The following CPNE6 variants were observed in gnomAD, a reference collection of about 807,000 sequenced individuals.
The protein encoded by CPNE6 is copine 6.
Under a neutral mutation model 71.5 loss-of-function variants are expected in CPNE6, and 33 were observed. The observed-to-expected ratio is 0.46, with a 90% CI of 0.35 to 0.62. The LOEUF (loss-of-function observed/expected upper bound fraction) is 0.62, where lower values mean the gene tolerates loss of function less well. Ranked by LOEUF, CPNE6 falls within the 20% of genes least tolerant of loss-of-function variation. CPNE6 has a pLI of 0.00. For synonymous variants in CPNE6, 296 were observed against 293.0 expected (o/e 1.01, Z -0.10); for missense variants, 576 against 747.3 (o/e 0.77, Z 2.67).
Position 24,075,803 on chromosome 14 carries a change from C to T in CPNE6, c.865-24C>T, listed in dbSNP as rs1423465758. On this transcript the variant is annotated intron_variant, in intron 10 of 17. Transcript: ENST00000397016. The surrounding 1 kb of genome is among the most constrained non-coding windows in gnomAD (Gnocchi z 4.3). The stretch of plus-strand genomic sequence containing the variant: ...CTCAAAGGACCACCCCATCCCCTCG[C>T]CTTACCCCTCTCCCTACCTCCAGGT... 1.2e-6 allele frequency: 2 copies of T among 1,612,162 alleles called. No individual in the cohort carries two copies. The highest frequency in any genetic ancestry group is 1.7e-6 in the Non-Finnish European group (2 of 1,178,428).
intron 14 of CPNE6, 106 bp downstream of exon 13, chr14:24,076,663 C>G (rs2036076462): frequency 1.3e-6 from 2 of 1,519,146 alleles, no homozygotes; most frequent in South Asian, 1.1e-5. Flanking sequence ...TCCACCCATC[C>G]CAGGCCTGTC....
At chr14:24,071,698 T>G in intron 2 of CPNE6, 57 bp downstream of exon 1, 1 of 679,248 alleles carries the variant, frequency 1.5e-6, no homozygotes, top group Admixed American at 2.2e-5. Flanking sequence ...TGGCCCAGTC[T>G]CCATAACAAC....
intron 1 of CPNE6, chr14:24,071,357 G>A: frequency 6.9e-7 from 1 of 1,440,912 alleles, no homozygotes; most frequent in Non-Finnish European, 9.1e-7. Flanking sequence ...GAAGATGTGT[G>A]TCACTGTGTC....
chr14:24,071,318 G>C, intron 1 of CPNE6: 1 of 1,431,160 alleles, frequency 7.0e-7, no homozygotes, highest in South Asian at 1.5e-5. Flanking sequence ...GCATCTCTGC[G>C]ATTCTGGGTG....
Position 24,075,293 on chromosome 14 carries a change from A to G in CPNE6, c.777+17A>G. 1 of 1,596,136 alleles carries G rather than the reference A, an allele frequency of 6.3e-7. No homozygotes were observed. Among genetic ancestry groups the G allele is most frequent in the Middle Eastern group, 1.7e-4 (1 of 6,044 alleles). On this transcript the variant is annotated intron_variant, in intron 9 of 17. Transcript: ENST00000397016. This position sits in a 1 kb window ranked among gnomAD's most constrained non-coding sequence, Gnocchi z 4.3. ...GGGCAGGAGGTGCCACAAATACCCC[A>G]CCCCCAGAATCCCACCCAGATCCCT...
rs754686465 is a variant in CPNE6 at position 24,077,293 on chromosome 14, G to A, written c.1439G>A (p.Arg480Gln). 7.4e-6 allele frequency: 12 copies of A among 1,613,752 alleles called. No homozygotes were observed. Among genetic ancestry groups the A allele is most frequent in the Non-Finnish European group, 9.3e-6 (11 of 1,180,026 alleles). The stretch of plus-strand genomic sequence containing the variant: ...GGCAATGCTGACTTCTCTGACATGC[G>A]GCTGCTGGATGGCGACGACGGCCCC... Residue 480 changes from arginine (R) to glutamine (Q), a missense_variant, in exon 16 of 18, where the codon CGG becomes CAG. Transcript: ENST00000397016. The surrounding 1 kb of genome is among the most constrained non-coding windows in gnomAD (Gnocchi z 6.1).
In CPNE6 at chr14:24,075,463, C is replaced by A. The variant is rs369875632; in HGVS notation, c.778-42C>A. 6.4e-7 allele frequency: 1 copy of A among 1,573,632 alleles called. No homozygotes were observed. Among genetic ancestry groups the A allele is most frequent in the Non-Finnish European group, 8.7e-7 (1 of 1,149,650 alleles). Reference sequence around the variant, plus strand: ...TGCTGGAAGGGAGAAAGAGGGGTCACCTGATGGACTTGTGACCCTGAGCTT... The same window carrying A: ...TGCTGGAAGGGAGAAAGAGGGGTCAACTGATGGACTTGTGACCCTGAGCTT... On this transcript the variant is annotated intron_variant, in intron 9 of 17. Coordinates refer to ENST00000397016, the Ensembl canonical transcript of CPNE6. The surrounding 1 kb of genome is among the most constrained non-coding windows in gnomAD (Gnocchi z 4.3).
chr14:24,075,433 G>A lies in CPNE6; in HGVS notation c.778-72G>A. The A allele has an allele frequency of 1.3e-6, 2 of 1,489,364 alleles. No individual in the cohort carries two copies. The highest frequency in any genetic ancestry group is 1.2e-5 in the South Asian group (1 of 86,610). The allele number at this position is 1,489,364 out of a possible 1,614,324, so 92.3% of individuals were successfully genotyped here. Reference sequence around the variant, plus strand: ...GAACCATGGGGGTCTTGCTCTGGGAGGCTCTGCTGGAAGGGAGAAAGAGGG... The same window carrying A: ...GAACCATGGGGGTCTTGCTCTGGGAAGCTCTGCTGGAAGGGAGAAAGAGGG... On this transcript the variant is annotated intron_variant, in intron 9 of 17. Transcript: ENST00000397016. The surrounding 1 kb of genome is among the most constrained non-coding windows in gnomAD (Gnocchi z 4.3).
intron 13 of CPNE6, 45 bp downstream of exon 12, chr14:24,076,459 T>C (rs903431751): frequency 2.6e-5 from 42 of 1,614,048 alleles, no homozygotes; most frequent in Admixed American, 3.3e-5. Flanking sequence ...GGCGTGTCAG[T>C]CAGGCAGAAA....
Position 24,075,615 on chromosome 14 carries a change from G to C in CPNE6, c.864+24G>C. On this transcript the variant is annotated intron_variant, in intron 10 of 17. Transcript: ENST00000397016. The surrounding 1 kb of genome is among the most constrained non-coding windows in gnomAD (Gnocchi z 4.3). ...CGGTAAATTTCACTTCCTGCTTCAA[G>C]CCTTGCCCCAGCCCCTGCCCCTACC... 6.3e-7 allele frequency: 1 copy of C among 1,584,814 alleles called. No homozygotes were observed. The highest frequency in any genetic ancestry group is 1.7e-4 in the Middle Eastern group (1 of 5,964).
chr14:24,072,569 C>T (rs887360705), intron 2 of CPNE6: 5 of 182,526 alleles, frequency 2.7e-5, no homozygotes, highest in Admixed American at 6.2e-5. Context: ...CTGAGTGCAG[C>T]GCTGGCACAA....
At position 24,073,553 on chromosome 14, in the gene CPNE6, C is replaced by A; in HGVS notation, c.223C>A (p.Leu75Met). The A allele has an allele frequency of 6.2e-7, 1 of 1,614,060 alleles. No individual in the cohort carries two copies. Among genetic ancestry groups the A allele is most frequent in the Non-Finnish European group, 8.5e-7 (1 of 1,180,038 alleles). The change falls in exon 4 of 18, where the codon CTG becomes ATG. Residue 75 changes from leucine to methionine, a missense_variant. Transcript: ENST00000397016. The surrounding 1 kb of genome is among the most constrained non-coding windows in gnomAD (Gnocchi z 5.5). The stretch of plus-strand genomic sequence containing the variant: ...TTCCAGCCCTGTCTTCTCCCGGGTG[C>A]TGGCCCTTGAGTATTTTTTTGAGGA...
intron 2 of CPNE6, 169 bp downstream of exon 1, chr14:24,071,810 C>T: frequency 1.8e-6 from 1 of 550,944 alleles, no homozygotes; most frequent in Non-Finnish European, 3.2e-6. Flanking sequence ...AGACTTGTGG[C>T]TGGAAGGCAG....
At position 24,073,702 on chromosome 14, in the gene CPNE6, C is replaced by T. The variant is rs756362075; in HGVS notation, c.348+24C>T. ...AGGTCTGCATTCCCGGCCTCCCCGG[C>T]TACCCTACCCTACCTCCATCAGCTT... On this transcript the variant is annotated intron_variant, in intron 4 of 17. Transcript: ENST00000397016. This position sits in a 1 kb window ranked among gnomAD's most constrained non-coding sequence, Gnocchi z 5.5. 1.3e-6 allele frequency: 2 copies of T among 1,598,458 alleles called. No homozygotes were observed. Among genetic ancestry groups the T allele is most frequent in the East Asian group, 4.5e-5 (2 of 44,726 alleles).
In CPNE6 at chr14:24,075,608, G is replaced by A. The variant is rs1428982527; in HGVS notation, c.864+17G>A. 1.9e-6 allele frequency: 3 copies of A among 1,595,716 alleles called. No homozygotes were observed. The highest frequency in any genetic ancestry group is 2.6e-6 in the Non-Finnish European group (3 of 1,168,532). ...CAGTGCACGGTAAATTTCACTTCCT[G>A]CTTCAAGCCTTGCCCCAGCCCCTGC... is the stretch of plus-strand genomic sequence containing the variant. On this transcript the variant is annotated intron_variant, in intron 10 of 17. Coordinates refer to ENST00000397016, the Ensembl canonical transcript of CPNE6. The surrounding 1 kb of genome is among the most constrained non-coding windows in gnomAD (Gnocchi z 4.3).
In CPNE6 at chr14:24,074,819, C is replaced by T. The variant is rs1270568131; in HGVS notation, c.672+24C>T. The T allele has an allele frequency of 1.3e-6, 2 of 1,599,314 alleles. No homozygotes were observed. Among genetic ancestry groups the T allele is most frequent in the Non-Finnish European group, 1.7e-6 (2 of 1,170,920 alleles). On this transcript the variant is annotated intron_variant, in intron 8 of 17. Coordinates refer to ENST00000397016, the Ensembl canonical transcript of CPNE6. The surrounding 1 kb of genome is among the most constrained non-coding windows in gnomAD (Gnocchi z 4.5). ...AGGTGAAGTCCCAGCCAAGCCAGCACAGCCTACTTAGAGCAACCAATCTGC... is the reference window on the plus strand; with the variant it reads ...AGGTGAAGTCCCAGCCAAGCCAGCATAGCCTACTTAGAGCAACCAATCTGC...
In CPNE6 at chr14:24,077,220, A is replaced by G. The variant is rs1279629632; in HGVS notation, c.1366A>G (p.Ile456Val). 2 of 1,612,434 alleles carry G rather than the reference A, an allele frequency of 1.2e-6. No individual in the cohort carries two copies. The highest frequency in any genetic ancestry group is 2.2e-5 in the East Asian group (1 of 44,858). ...CGACATGGCTGAGACTCGCACTGCT[A>G]TCGTGCGTGCCTCCCGCCTGCCCAT... Residue 456 changes from isoleucine to valine, a missense_variant, in exon 16 of 18, where the codon ATC becomes GTC. Ile to Val is a conservative substitution (Grantham distance 29, BLOSUM62 3). This residue lies in a region of CPNE6 where 264 missense variants were observed against 339.9 expected (regional missense o/e 0.78). Coordinates refer to ENST00000397016, the Ensembl canonical transcript of CPNE6. This position sits in a 1 kb window ranked among gnomAD's most constrained non-coding sequence, Gnocchi z 6.1.
rs1794613199 is a variant in CPNE6 at position 24,073,359 on chromosome 14, G to A, written c.169-140G>A. 1 of 1,034,824 alleles carries A rather than the reference G, an allele frequency of 9.7e-7. No homozygotes were observed. The highest frequency in any genetic ancestry group is 1.6e-5 in the African/African-American group (1 of 61,988). 64.1% of individuals were successfully genotyped at this position (1,034,824 alleles called of 1,614,324 possible). ...TGGGCAGGCAGCACCCCAAGCTCAG[G>A]GATCAGCTTAGGAAGAGAAGAGCTG... On this transcript the variant is annotated intron_variant, in intron 3 of 17. Coordinates refer to ENST00000397016, the Ensembl canonical transcript of CPNE6. The surrounding 1 kb of genome is among the most constrained non-coding windows in gnomAD (Gnocchi z 5.5).
Position 24,077,028 on chromosome 14 carries a change from G to A in CPNE6, c.1299+16G>A, listed in dbSNP as rs147724197. The A allele has an allele frequency of 6.5e-3, 10,402 of 1,607,466 alleles. 33 individuals carry two copies. The highest frequency in any genetic ancestry group is 8.0e-3 in the Non-Finnish European group (9,469 of 1,179,960). On this transcript the variant is annotated intron_variant, in intron 15 of 17. Coordinates refer to ENST00000397016, the Ensembl canonical transcript of CPNE6. This position sits in a 1 kb window ranked among gnomAD's most constrained non-coding sequence, Gnocchi z 6.1. ...CCAAGCCACGGTAGGAAGACATGGC[G>A]GGCAAACAGGAGCTGTCCCATGTGT... is the stretch of plus-strand genomic sequence containing the variant.
Sources: gnomAD v4.1 joint callset for allele counts on GRCh38, gnomAD v4.1.1 for gene constraint, gnomAD v4.1.1 regional missense constraint, Gnocchi (gnomAD v3.1) non-coding constraint, MANE v1.5 for transcripts, NCBI Gene and HGNC (gene_info 2026-07-23, HGNC 2026-07-21) for gene names.